Variants in PAPPA2 observed in about 807,000 individuals in gnomAD.
The protein encoded by PAPPA2 is pappalysin 2, also known as pappalysin-2.
Under a neutral mutation model 176.4 loss-of-function variants are expected in PAPPA2, and 86 were observed. The ratio of observed to expected loss-of-function variants is 0.49; its 90% CI spans 0.41 to 0.58. The LOEUF is 0.58. Ranked by LOEUF, PAPPA2 falls within the 20% of genes least tolerant of loss-of-function variation. The pLI is 0.00. For missense variants in PAPPA2, 2,073 were observed against 2,256.9 expected (o/e 0.92, Z 1.65); for synonymous variants, 809 against 852.2 (o/e 0.95, Z 0.88).
At chr1:176,822,737 A>C (rs1200922124) in intron 21 of PAPPA2, among the ~76,000 whole-genome samples, 1 of 152,196 alleles carries the variant, frequency 6.6e-6, no homozygotes, top group Non-Finnish European at 1.5e-5. Flanking sequence ...ACATTGTCTT[A>C]ACTTCAGTCT....
intron 1 of PAPPA2, among the ~76,000 whole-genome samples, chr1:176,504,797 A>G (rs2102513977): frequency 6.6e-6 from 1 of 152,264 alleles, no homozygotes; most frequent in East Asian, 1.9e-4. Context: ...GGGCCATCTC[A>G]TGGTTTTCCA....
At chr1:176,710,916 G>A (rs1319404918) in intron 11 of PAPPA2, among the ~76,000 whole-genome samples, 8 of 152,138 alleles carry the variant, frequency 5.3e-5, no homozygotes, top group African/African-American at 1.9e-4. Context: ...TCATCCTCGG[G>A]TGCAGCCTTC....
chr1:176,766,310 TCTCA>T (rs769516879), intron 15 of PAPPA2, among the ~76,000 whole-genome samples: 10 of 152,196 alleles, frequency 6.6e-5, no homozygotes, highest in Non-Finnish European at 1.3e-4. Context: ...CTGTCATGAT[TCTCA>T]CTCTGGCCAA....
At chr1:176,548,679 T>A (rs1486064985) in intron 1 of PAPPA2, among the ~76,000 whole-genome samples, 2 of 152,184 alleles carry the variant, frequency 1.3e-5, no homozygotes, top group African/African-American at 4.8e-5. Flanking sequence ...GCTTTGGTGT[T>A]TCCATCTAAA....
chr1:176,785,222 T>C (rs1405966609), intron 17 of PAPPA2, among the ~76,000 whole-genome samples: 3 of 152,174 alleles, frequency 2.0e-5, no homozygotes, highest in South Asian at 2.1e-4. Flanking sequence ...AACCAGCTCA[T>C]AGCACTGAAG....
At chr1:176,638,849 G>A (rs1271461596) in intron 3 of PAPPA2, among the ~76,000 whole-genome samples, 1 of 151,838 alleles carries the variant, frequency 6.6e-6, no homozygotes, top group Non-Finnish European at 1.5e-5. Context: ...CGGGAGCAGA[G>A]GGCCCTGATC....
rs1451214409 is a variant in PAPPA2 at position 176,594,615 on chromosome 1, C to T, written c.1011C>T (p.Arg337=). The change falls in exon 3 of 23, where the codon CGC becomes CGT. Residue 337 remains arginine, a synonymous_variant. Coordinates refer to ENST00000367662, the MANE Select transcript of PAPPA2 (RefSeq NM_020318.3). ...SGKDKGKRDA[R]FFFSLCTDRV... ...AGGACAAGGGAAAGCGGGATGCTCGCTTCTTCTTCTCCCTCTGCACCGACC... is the reference window on the plus strand; with the variant it reads ...AGGACAAGGGAAAGCGGGATGCTCGTTTCTTCTTCTCCCTCTGCACCGACC... 1 of 1,614,174 alleles carries T rather than the reference C, an allele frequency of 6.2e-7. No individual in the cohort carries two copies. The highest frequency in any genetic ancestry group is 2.2e-5 in the East Asian group (1 of 44,870).
At chr1:176,625,431 C>T (rs1236054734) in intron 3 of PAPPA2, among the ~76,000 whole-genome samples, 1 of 152,138 alleles carries the variant, frequency 6.6e-6, no homozygotes, top group Non-Finnish European at 1.5e-5. Flanking sequence ...TAATACTCTG[C>T]CCGACATGTA....
chr1:176,507,473 A>G (rs539653311), intron 1 of PAPPA2, among the ~76,000 whole-genome samples: 41 of 152,338 alleles, frequency 2.7e-4, no homozygotes, highest in Non-Finnish European at 5.1e-4. Context: ...TATACCAAAA[A>G]GACACCTGCA....
intron 1 of PAPPA2, among the ~76,000 whole-genome samples, chr1:176,529,741 C>A (rs556856706): frequency 6.6e-6 from 1 of 152,078 alleles, no homozygotes; most frequent in South Asian, 2.1e-4. Flanking sequence ...TACCGTGGAA[C>A]GTTTGGCAGC....
At chr1:176,808,676 TC>T (rs1388236467) in intron 21 of PAPPA2, among the ~76,000 whole-genome samples, 1 of 152,180 alleles carries the variant, frequency 6.6e-6, no homozygotes, top group Non-Finnish European at 1.5e-5. Flanking sequence ...CCTGAGTATT[TC>T]ATTGTTTTGT....
chr1:176,775,559 C>T (rs1440450888), intron 17 of PAPPA2, among the ~76,000 whole-genome samples: 1 of 152,082 alleles, frequency 6.6e-6, no homozygotes, highest in Non-Finnish European at 1.5e-5. Flanking sequence ...AACAGAAAAA[C>T]GATTACCTCT....
rs531308809 is a variant in PAPPA2 at position 176,793,721 on chromosome 1, A to T, written c.5130+52A>T. The T allele has an allele frequency of 1.6e-5, 22 of 1,368,018 alleles. No individual in the cohort carries two copies. The Admixed American group carries it at 2.2e-4, about 14-fold the overall frequency. 84.7% of individuals were successfully genotyped at this position (1,368,018 alleles called of 1,614,324 possible). A position where few individuals can be genotyped will look rare whatever the true frequency, so the allele number is the denominator to read the frequency against. On this transcript the variant is annotated intron_variant, in intron 20 of 22. Transcript: ENST00000367662. ...CAAAGACATGAGTCTGCTGAGCAAC[A>T]CTTGGAGCATTATTTTTTGGAGTAA...
chr1:176,485,557 T>C (rs1268964576), intron 1 of PAPPA2, among the ~76,000 whole-genome samples: 1 of 152,218 alleles, frequency 6.6e-6, no homozygotes, highest in Non-Finnish European at 1.5e-5. Context: ...GTTCACCGAC[T>C]TTATTTTCTT....
At chr1:176,529,642 A>G (rs145211912) in intron 1 of PAPPA2, among the ~76,000 whole-genome samples, 1 of 152,288 alleles carries the variant, frequency 6.6e-6, no homozygotes, top group Non-Finnish European at 1.5e-5. Context: ...CCACACACAC[A>G]TCTCTTCCAA....
At chr1:176,761,291 G>A (rs1663688717) in intron 14 of PAPPA2, among the ~76,000 whole-genome samples, 1 of 152,112 alleles carries the variant, frequency 6.6e-6, no homozygotes, top group South Asian at 2.1e-4. Context: ...CCTCCCTTGT[G>A]AAAAACTCAA....
chr1:176,491,924 C>T (rs913055711), intron 1 of PAPPA2, among the ~76,000 whole-genome samples: 9 of 152,220 alleles, frequency 5.9e-5, no homozygotes, highest in South Asian at 4.2e-4. Context: ...AAATATGAGC[C>T]GAGGACTTCC....
intron 21 of PAPPA2, among the ~76,000 whole-genome samples, chr1:176,827,206 C>T (rs1015968268): frequency 6.6e-6 from 1 of 152,118 alleles, no homozygotes; most frequent in Non-Finnish European, 1.5e-5. Flanking sequence ...TTCCAGTTGT[C>T]TTCTGAACGT....
chr1:176,683,618 G>A (rs76495446), intron 4 of PAPPA2, among the ~76,000 whole-genome samples: 1 of 152,160 alleles, frequency 6.6e-6, no homozygotes, highest in East Asian at 1.9e-4. Flanking sequence ...GCTTATATGT[G>A]CCAAGATCAC....
Sources: allele counts gnomAD v4.1 joint callset (sites outside exome capture counted in the v4.1 genomes callset), GRCh38; gene constraint gnomAD v4.1.1; transcripts MANE v1.5; gene names NCBI Gene and HGNC (gene_info 2026-07-23, HGNC 2026-07-21).